The following CADPS2 variants were observed in gnomAD, a reference collection of about 807,000 sequenced individuals.
The protein encoded by CADPS2 is calcium dependent secretion activator 2, also known as calcium-dependent secretion activator 2.
Under a neutral mutation model 172.5 loss-of-function variants are expected in CADPS2, and 93 were observed. That is an observed-to-expected ratio of 0.54 (90% CI 0.46 to 0.64). The LOEUF (loss-of-function observed/expected upper bound fraction) is 0.64. Among genes scored for constraint, CADPS2 ranks in the 30% least tolerant of loss-of-function variants. CADPS2 has a pLI of 0.00. For missense variants in CADPS2, 1,420 were observed against 1,565.9 expected (o/e 0.91, Z 1.57); for synonymous variants, 546 against 555.2 (o/e 0.98, Z 0.23).
intron 9 of CADPS2, among the ~76,000 whole-genome samples, chr7:122,510,407 A>G (rs1239704438): frequency 5.3e-5 from 8 of 152,126 alleles, no homozygotes; most frequent in Non-Finnish European, 2.9e-5. Context: ...TTATTTTCCC[A>G]CCTTTTGACT....
chr7:122,803,139 A>T (rs1317256615), intron 1 of CADPS2, among the ~76,000 whole-genome samples: 1 of 152,200 alleles, frequency 6.6e-6, no homozygotes, highest in African/African-American at 2.4e-5. Flanking sequence ...GTCACAACAT[A>T]TATAAACTCA....
At chr7:122,603,460 G>GAAAA (rs11451995) in intron 6 of CADPS2, among the ~76,000 whole-genome samples, 1 of 147,930 alleles carries the variant, frequency 6.8e-6, no homozygotes, top group Admixed American at 6.7e-5. Context: ...TACATGAGCA[G>GAAAA]AAAAAAAAAA....
intron 3 of CADPS2, among the ~76,000 whole-genome samples, chr7:122,635,068 G>A (rs954471556): frequency 6.6e-6 from 1 of 152,138 alleles, no homozygotes; most frequent in Non-Finnish European, 1.5e-5. Context: ...TTATCACCAA[G>A]CATGTGTCAA....
At chr7:122,709,781 A>C (rs915406553) in intron 2 of CADPS2, among the ~76,000 whole-genome samples, 3 of 152,042 alleles carry the variant, frequency 2.0e-5, no homozygotes, top group East Asian at 3.9e-4. Context: ...ATTGGAAATC[A>C]TCATTCTCAG....
Position 122,697,166 on chromosome 7 carries a change from GTATTT to G in CADPS2, c.454-33602_454-33598del, listed in dbSNP as rs201768126. On this transcript the variant is annotated intron_variant, in intron 2 of 29. Coordinates refer to ENST00000449022, the MANE Select transcript of CADPS2 (RefSeq NM_017954.11). The stretch of plus-strand genomic sequence containing the variant: ...GTTGCTGTTCACTTAAAGAGTGCTA[GTATTT>G]TATTTTAAAATTTCACTATACAGAT... Among the ~76,000 whole-genome samples the G allele has an allele frequency of 1.3e-3, 204 of 152,084 alleles. 2 individuals carry two copies. Among genetic ancestry groups the G allele is most frequent in the Admixed American group, 9.2e-3 (141 of 15,258 alleles).
chr7:122,728,891 A>T (rs978163322), intron 2 of CADPS2, among the ~76,000 whole-genome samples: 6 of 151,792 alleles, frequency 4.0e-5, no homozygotes, highest in East Asian at 3.9e-4. Flanking sequence ...TTATTATATT[A>T]CAAGTCGCCT....
chr7:122,713,364 T>G (rs769417354), intron 2 of CADPS2, among the ~76,000 whole-genome samples: 2 of 152,132 alleles, frequency 1.3e-5, no homozygotes, highest in Non-Finnish European at 2.9e-5. Context: ...TGTGCCTTAG[T>G]TCCCTTACCT....
At position 122,393,141 on chromosome 7, in the gene CADPS2, G is replaced by C. The variant is rs1645851982; in HGVS notation, c.3008+55C>G. ...TCTAAACACATCTGCGCAGAACACA[G>C]CCCAGGCCATGCACCAGCTAACACA... On this transcript the variant is annotated intron_variant, in intron 22 of 29. Coordinates refer to ENST00000449022, the MANE Select transcript of CADPS2 (RefSeq NM_017954.11). 3.3e-5 allele frequency: 52 copies of C among 1,595,864 alleles called. No homozygotes were observed. The South Asian group carries it at 5.5e-4, about 17-fold the overall frequency.
At chr7:122,728,664 A>G (rs2091341106) in intron 2 of CADPS2, among the ~76,000 whole-genome samples, 1 of 151,818 alleles carries the variant, frequency 6.6e-6, no homozygotes, top group Non-Finnish European at 1.5e-5. Context: ...ACAACGGAAG[A>G]AATTAACATT....
intron 8 of CADPS2, among the ~76,000 whole-genome samples, chr7:122,528,064 G>C (rs913125526): frequency 2.7e-5 from 4 of 148,072 alleles, no homozygotes; most frequent in African/African-American, 1.0e-4. Flanking sequence ...AATGATGTAT[G>C]AAAGGGGCCT....
At chr7:122,878,486 A>G (rs564044896) in intron 1 of CADPS2, among the ~76,000 whole-genome samples, 1 of 151,644 alleles carries the variant, frequency 6.6e-6, no homozygotes, top group East Asian at 2.0e-4. Context: ...TAAAAATACA[A>G]AAAATTAGCC....
chr7:122,321,841 G>T (rs1156516883), intron 29 of CADPS2, among the ~76,000 whole-genome samples: 1 of 152,170 alleles, frequency 6.6e-6, no homozygotes, highest in African/African-American at 2.4e-5. Context: ...AACATGACTG[G>T]TATTTTATTA....
intron 1 of CADPS2, among the ~76,000 whole-genome samples, chr7:122,819,140 A>G (rs1378900760): frequency 2.0e-5 from 3 of 152,220 alleles, no homozygotes; most frequent in Non-Finnish European, 4.4e-5. Flanking sequence ...CAAACGCCTG[A>G]ACTGCAGCAG....
At chr7:122,565,814 G>C (rs1398999609) in intron 7 of CADPS2, among the ~76,000 whole-genome samples, 2 of 152,102 alleles carry the variant, frequency 1.3e-5, no homozygotes, top group Non-Finnish European at 2.9e-5. Context: ...TATTCTCTTA[G>C]CAAATTTTCA....
chr7:122,700,214 T>A (rs1588524962), intron 2 of CADPS2, among the ~76,000 whole-genome samples: 2 of 152,268 alleles, frequency 1.3e-5, no homozygotes, highest in South Asian at 2.1e-4. Context: ...CATGAATGTC[T>A]CTGGTCTACA....
In CADPS2 at chr7:122,610,424, A is replaced by G. The variant is rs2074148124; in HGVS notation, c.1223+4757T>C. 2.1e-5 allele frequency among the ~76,000 whole-genome samples: 3 copies of G among 139,648 alleles called. No individual in the cohort carries two copies. The South Asian group carries it at 6.5e-4, about 30-fold the overall frequency. 91.6% of individuals were successfully genotyped at this position (139,648 alleles called of 152,430 possible). Reference sequence around the variant, plus strand: ...TTAAATATAAGATTCTGTAGAAACTACGATAAGCAAAAAAAAAAATCCAGA... The same window carrying G: ...TTAAATATAAGATTCTGTAGAAACTGCGATAAGCAAAAAAAAAAATCCAGA... On this transcript the variant is annotated intron_variant, in intron 6 of 29. Transcript: ENST00000449022.
chr7:122,682,128 C>A (rs1044918257), intron 2 of CADPS2, among the ~76,000 whole-genome samples: 2 of 152,138 alleles, frequency 1.3e-5, no homozygotes, highest in African/African-American at 2.4e-5. Flanking sequence ...ACTTATGAGA[C>A]TGAAAGTGAA....
chr7:122,337,132 A>C (rs552546248), intron 28 of CADPS2, among the ~76,000 whole-genome samples: 2 of 152,298 alleles, frequency 1.3e-5, no homozygotes, highest in South Asian at 2.1e-4. Context: ...GAGGGCCCCA[A>C]GCTGCGGTAA....
intron 2 of CADPS2, among the ~76,000 whole-genome samples, chr7:122,723,247 T>C (rs2090679701): frequency 6.6e-6 from 1 of 152,034 alleles, no homozygotes; most frequent in Non-Finnish European, 1.5e-5. Flanking sequence ...ACAGGCAACC[T>C]ACAGAATGGG....
Sources: allele counts gnomAD v4.1 joint callset (sites outside exome capture counted in the v4.1 genomes callset), GRCh38; gene constraint gnomAD v4.1.1; transcripts MANE v1.5; gene names NCBI Gene and HGNC (gene_info 2026-07-23, HGNC 2026-07-21).